The following CFAP43 variants were observed in gnomAD, a reference collection of about 807,000 sequenced individuals.
The protein encoded by CFAP43 is cilia- and flagella-associated protein 43.
In CFAP43, 155 loss-of-function variants were observed where a neutral mutation model predicts 218.9. That is an observed-to-expected ratio of 0.71 (90% confidence interval 0.62 to 0.81). The LOEUF is 0.81. Among genes scored for constraint, CFAP43 ranks in the 30% least tolerant of loss-of-function variants. The pLI is 0.00. For synonymous variants in CFAP43, 645 were observed against 681.3 expected (o/e 0.95, Z 0.83); for missense variants, 1,778 against 1,954.3 (o/e 0.91, Z 1.70).
Position 104,148,008 on chromosome 10 carries a change from T to A in CFAP43, c.3661-10A>T. 6.5e-7 allele frequency: 1 copy of A among 1,541,522 alleles called. No individual in the cohort carries two copies. Among genetic ancestry groups the A allele is most frequent in the Admixed American group, 2.0e-5 (1 of 50,716 alleles). On this transcript the variant is annotated splice_polypyrimidine_tract_variant and intron_variant, in intron 28 of 37. Transcript: ENST00000357060. ...TTATTTTCAGTTCCTCCTGTAGAAA[T>A]ATTTAAGAAAAAGGTTGGTGGAATT...
intron 19 of CFAP43, among the ~76,000 whole-genome samples, chr10:104,173,791 T>C (rs766831972): frequency 6.6e-6 from 1 of 152,198 alleles, no homozygotes; most frequent in Admixed American, 6.5e-5. Context: ...TGACCTGGTG[T>C]CATGGAACTA....
Position 104,196,950 on chromosome 10 carries a change from A to G in CFAP43, c.1213-17T>C. 1 of 1,598,898 alleles carries G rather than the reference A, an allele frequency of 6.3e-7. No homozygotes were observed. The highest frequency in any genetic ancestry group is 8.5e-7 in the Non-Finnish European group (1 of 1,171,806). On this transcript the variant is annotated splice_polypyrimidine_tract_variant and intron_variant, in intron 9 of 37. Transcript: ENST00000357060. Reference sequence around the variant, plus strand: ...TGTAAGTGTCTGTAAAAAAAGAAAAACAAAAACTCTACATGGAAAATAAGA... The same window carrying G: ...TGTAAGTGTCTGTAAAAAAAGAAAAGCAAAAACTCTACATGGAAAATAAGA...
At chr10:104,157,248 C>T (rs1459597040) in intron 27 of CFAP43, among the ~76,000 whole-genome samples, 1 of 152,126 alleles carries the variant, frequency 6.6e-6, no homozygotes, top group Non-Finnish European at 1.5e-5. Context: ...AAGGCAGGCC[C>T]ATACCTTTTT....
intron 23 of CFAP43, 30 bp from the exon 24 acceptor site, chr10:104,164,330 A>G (rs1397267310): frequency 7.1e-7 from 1 of 1,410,030 alleles, no homozygotes; most frequent in Non-Finnish European, 9.8e-7. Flanking sequence ...CTGAAAACAC[A>G]TCACATATTA....
chr10:104,208,180 G>T (rs1392436711), intron 5 of CFAP43, among the ~76,000 whole-genome samples: 2 of 152,172 alleles, frequency 1.3e-5, no homozygotes, highest in African/African-American at 4.8e-5. Flanking sequence ...GACTCATAAG[G>T]AAGAGAGTTA....
intron 24 of CFAP43, among the ~76,000 whole-genome samples, 154 bp downstream of exon 24, chr10:104,163,940 A>G (rs2089012536): frequency 6.6e-6 from 1 of 152,206 alleles, no homozygotes; most frequent in Admixed American, 6.5e-5. Context: ...AGAAATTCTC[A>G]TCATTGCTGA....
chr10:104,163,120 G>A (rs540205617), intron 24 of CFAP43, among the ~76,000 whole-genome samples: 2 of 152,306 alleles, frequency 1.3e-5, no homozygotes, highest in Admixed American at 1.3e-4. Flanking sequence ...AGAGTGCACA[G>A]GTTAAGAGGA....
chr10:104,210,284 T>A (rs1190529604), intron 5 of CFAP43, among the ~76,000 whole-genome samples: 1 of 152,268 alleles, frequency 6.6e-6, no homozygotes, highest in Admixed American at 6.5e-5. Flanking sequence ...AGAGGAAATA[T>A]TAAGGGCATG....
chr10:104,142,431 G>C, intron 32 of CFAP43, 38 bp from the exon 33 acceptor site: 2 of 1,530,234 alleles, frequency 1.3e-6, no homozygotes, highest in Non-Finnish European at 1.8e-6. Context: ...AGAACATATG[G>C]AGCTTCAATT....
At chr10:104,212,881 C>G (rs1441001177) in intron 4 of CFAP43, among the ~76,000 whole-genome samples, 1 of 152,152 alleles carries the variant, frequency 6.6e-6, no homozygotes, top group East Asian at 1.9e-4. Context: ...ACCTACTACT[C>G]AAATGTAAGG....
chr10:104,212,747 A>T (rs998868780), intron 4 of CFAP43, among the ~76,000 whole-genome samples: 3 of 152,198 alleles, frequency 2.0e-5, no homozygotes, highest in Non-Finnish European at 2.9e-5. Flanking sequence ...TCTACTTTTA[A>T]TTTATAATAT....
intron 2 of CFAP43, 68 bp from the exon 3 acceptor site, chr10:104,225,625 CA>C: frequency 7.9e-7 from 1 of 1,270,674 alleles, no homozygotes. Flanking sequence ...TATGGTCTTA[CA>C]GTTTATTTTC....
At chr10:104,163,305 A>T (rs1034228775) in intron 24 of CFAP43, among the ~76,000 whole-genome samples, 1 of 152,214 alleles carries the variant, frequency 6.6e-6, no homozygotes, top group African/African-American at 2.4e-5. Flanking sequence ...ATTTCAATCC[A>T]TCTAGGGCAC....
chr10:104,141,002 C>G lies in CFAP43; in HGVS notation c.4272-1G>C. The G allele has an allele frequency of 6.2e-7, 1 of 1,607,238 alleles. No individual in the cohort carries two copies. The highest frequency in any genetic ancestry group is 2.2e-5 in the East Asian group (1 of 44,786). On this transcript the variant is annotated splice_acceptor_variant, in intron 33 of 37. Coordinates refer to ENST00000357060, the MANE Select transcript of CFAP43 (RefSeq NM_025145.7). LOFTEE classifies it high-confidence loss of function. ...GAATCTCACTTTCTCTTCCTGTAAT[C>G]TGAATTGAAAAGTACTTCAAAGCAA...
chr10:104,209,101 T>C (rs1182461031), intron 5 of CFAP43, among the ~76,000 whole-genome samples: 1 of 152,202 alleles, frequency 6.6e-6, no homozygotes, highest in East Asian at 1.9e-4. Flanking sequence ...ATTGATTCCC[T>C]TGCCATTGGT....
At chr10:104,184,711 G>A (rs1399722036) in intron 16 of CFAP43, among the ~76,000 whole-genome samples, 1 of 151,898 alleles carries the variant, frequency 6.6e-6, no homozygotes, top group Non-Finnish European at 1.5e-5. Context: ...CTATGCCTCA[G>A]AACCCACTGA....
At chr10:104,216,555 C>G (rs1025294815) in intron 3 of CFAP43, among the ~76,000 whole-genome samples, 2 of 152,156 alleles carry the variant, frequency 1.3e-5, no homozygotes, top group Non-Finnish European at 2.9e-5. Context: ...CACGACAAAC[C>G]TGAAAGTGTG....
intron 8 of CFAP43, among the ~76,000 whole-genome samples, chr10:104,198,770 C>T (rs2090448932): frequency 6.6e-6 from 1 of 152,038 alleles, no homozygotes; most frequent in Non-Finnish European, 1.5e-5. Flanking sequence ...CCTGCCTCAG[C>T]CTCCTGAGTA....
At chr10:104,160,062 G>C (rs2088793078) in intron 27 of CFAP43, among the ~76,000 whole-genome samples, 1 of 152,190 alleles carries the variant, frequency 6.6e-6, no homozygotes, top group Admixed American at 6.5e-5. Context: ...TGCAGGTGCA[G>C]AGAAGGCAGA....
Sources: allele counts gnomAD v4.1 joint callset (sites outside exome capture counted in the v4.1 genomes callset), GRCh38; gene constraint gnomAD v4.1.1; transcripts MANE v1.5; gene names NCBI Gene and HGNC (gene_info 2026-07-23, HGNC 2026-07-21).